The following ZNF532 variants were observed in gnomAD, a reference collection of about 807,000 sequenced individuals.
ZNF532 encodes the protein zinc finger protein 532.
ZNF532 carries 22 observed loss-of-function variants against 89.3 expected under a neutral mutation model. The observed-to-expected ratio is 0.25, with a 90% CI of 0.18 to 0.35. The LOEUF (loss-of-function observed/expected upper bound fraction) is 0.35, where lower values mean the gene tolerates loss of function less well. ZNF532 is among the 10% of genes least tolerant of loss of function. The pLI is 1.00. For missense variants in ZNF532, 1,132 were observed against 1,643.4 expected (o/e 0.69, Z 5.38); for synonymous variants, 606 against 649.6 (o/e 0.93, Z 1.02).
Position 58,983,045 on chromosome 18 carries a change from G to A in ZNF532, c.3412-927G>A, listed in dbSNP as rs1266791909. 5.9e-5 allele frequency among the ~76,000 whole-genome samples: 9 copies of A among 152,202 alleles called. No individual in the cohort carries two copies. In the East Asian group the frequency reaches 7.7e-4, roughly 13 times the overall value. On this transcript the variant is annotated intron_variant, in intron 9 of 9. Transcript: ENST00000591808. ...GAGAATCGCTTGAACCCGGGAGGCC[G>A]AGGCTGTAGTGAGCCGAGATCATGC...
chr18:58,907,701 C>T (rs192234489), intron 2 of ZNF532, among the ~76,000 whole-genome samples: 4 of 152,184 alleles, frequency 2.6e-5, no homozygotes, highest in East Asian at 1.9e-4. Flanking sequence ...GCATGTCTTC[C>T]GTCTGCCTCC....
At chr18:58,976,364 T>C (rs1236506005) in intron 7 of ZNF532, among the ~76,000 whole-genome samples, 2 of 152,230 alleles carry the variant, frequency 1.3e-5, no homozygotes, top group Admixed American at 1.3e-4. Flanking sequence ...AAATTTTGTT[T>C]TGATGTTAAT....
chr18:58,970,426 AG>A (rs1028922776), intron 7 of ZNF532, among the ~76,000 whole-genome samples: 3 of 152,246 alleles, frequency 2.0e-5, no homozygotes, highest in Non-Finnish European at 4.4e-5. Flanking sequence ...CTTGGGAACC[AG>A]GGAGGCTTCA....
intron 2 of ZNF532, among the ~76,000 whole-genome samples, chr18:58,902,323 C>G (rs1421543448): frequency 2.0e-5 from 3 of 152,036 alleles, no homozygotes; most frequent in Non-Finnish European, 4.4e-5. Flanking sequence ...CACAGGGGAC[C>G]CAGAAATGCT....
intron 5 of ZNF532, among the ~76,000 whole-genome samples, chr18:58,945,802 A>G (rs986424175): frequency 4.0e-5 from 6 of 151,120 alleles, no homozygotes; most frequent in African/African-American, 1.5e-4. Flanking sequence ...GTCTCAGCTC[A>G]CTGTAACCTC....
At chr18:58,877,873 G>A (rs879004780) in intron 2 of ZNF532, among the ~76,000 whole-genome samples, 2 of 152,188 alleles carry the variant, frequency 1.3e-5, no homozygotes, top group African/African-American at 4.8e-5. Flanking sequence ...ATGGAAGTTA[G>A]TCACAGTTGG....
At chr18:58,950,777 A>AAAAG (rs2064082389) in intron 6 of ZNF532, among the ~76,000 whole-genome samples, 1 of 152,198 alleles carries the variant, frequency 6.6e-6, no homozygotes, top group African/African-American at 2.4e-5. Context: ...AATCAATTTG[A>AAAAG]AAAGAAATAA....
At chr18:58,932,426 C>T (rs1442733902) in intron 3 of ZNF532, 1 of 152,130 alleles carries the variant, frequency 6.6e-6, no homozygotes, top group Non-Finnish European at 1.5e-5. Flanking sequence ...CCATTTTCTA[C>T]CGTTCTAAAG....
chr18:58,942,515 C>A (rs1033079986), intron 5 of ZNF532, among the ~76,000 whole-genome samples: 1 of 151,932 alleles, frequency 6.6e-6, no homozygotes, highest in Non-Finnish European at 1.5e-5. Context: ...ATAAGTTAAT[C>A]GCATGGATTC....
intron 2 of ZNF532, among the ~76,000 whole-genome samples, chr18:58,885,873 G>C (rs1057329593): frequency 6.6e-6 from 1 of 152,040 alleles, no homozygotes; most frequent in Middle Eastern, 3.5e-3. Flanking sequence ...TGGAAGTAGA[G>C]AGTAAAAGCT....
At chr18:58,906,345 T>C (rs1205623869) in intron 2 of ZNF532, among the ~76,000 whole-genome samples, 1 of 152,248 alleles carries the variant, frequency 6.6e-6, no homozygotes, top group Non-Finnish European at 1.5e-5. Context: ...AACACAACAC[T>C]ACTTTATTTT....
intron 3 of ZNF532, among the ~76,000 whole-genome samples, chr18:58,922,380 A>AT (rs1178083535): frequency 6.6e-6 from 1 of 152,160 alleles, no homozygotes; most frequent in East Asian, 1.9e-4. Flanking sequence ...TACCCCGGTA[A>AT]TTTTTTTATC....
At chr18:58,949,150 C>A (rs1453294860) in intron 6 of ZNF532, among the ~76,000 whole-genome samples, 1 of 151,802 alleles carries the variant, frequency 6.6e-6, no homozygotes, top group African/African-American at 2.4e-5. Context: ...CCAGTGTGGA[C>A]TGTTTTACTC....
At chr18:58,934,799 G>C (rs946495730) in intron 4 of ZNF532, among the ~76,000 whole-genome samples, 185 bp downstream of exon 4, 2 of 152,086 alleles carry the variant, frequency 1.3e-5, no homozygotes, top group Non-Finnish European at 2.9e-5. Flanking sequence ...TATTGGCCCT[G>C]CTGGTCCGCA....
At position 58,919,824 on chromosome 18, in the gene ZNF532, G is replaced by A. The variant is rs1429712193; in HGVS notation, c.1537G>A (p.Ala513Thr). 3.1e-6 allele frequency: 5 copies of A among 1,613,996 alleles called. No individual in the cohort carries two copies. Among genetic ancestry groups the A allele is most frequent in the Middle Eastern group, 1.7e-4 (1 of 6,056 alleles). The stretch of plus-strand genomic sequence containing the variant: ...TGTCGTGGTGCCGGCATCCAGCCTG[G>A]CCAATGCCAAACTCGTGCCAAAGAC... ...QTVVVPASSL[A>T]NAKLVPKTVH... is the part of the protein sequence containing the mutation. The change falls in exon 3 of 10, where the codon GCC becomes ACC. Residue 513 changes from alanine to threonine, a missense_variant. Ala to Thr is a moderately conservative substitution (Grantham distance 58). Coordinates refer to ENST00000591808, the MANE Select transcript of ZNF532 (RefSeq NM_001375912.1). This position sits in a 1 kb window ranked among gnomAD's most constrained non-coding sequence, Gnocchi z 6.1.
intron 5 of ZNF532, among the ~76,000 whole-genome samples, chr18:58,945,763 C>T (rs149315094): frequency 0.01 from 1,532 of 151,342 alleles, 9 homozygotes; most frequent in Non-Finnish European, 0.016. Context: ...GAGTCTCCCT[C>T]TGTCACCAGG....
At chr18:58,936,528 C>A (rs2062486416) in intron 4 of ZNF532, among the ~76,000 whole-genome samples, 1 of 152,186 alleles carries the variant, frequency 6.6e-6, no homozygotes, top group Non-Finnish European at 1.5e-5. Context: ...TGAAAGTAAT[C>A]AACTCACTTG....
At chr18:58,965,993 G>GT (rs1448226349) in intron 7 of ZNF532, among the ~76,000 whole-genome samples, 1 of 152,148 alleles carries the variant, frequency 6.6e-6, no homozygotes, top group Non-Finnish European at 1.5e-5. Context: ...TAGAATCAGG[G>GT]TTTTTTTGAG....
chr18:58,969,781 TTTGTC>T (rs2066276882), intron 7 of ZNF532, among the ~76,000 whole-genome samples: 1 of 152,172 alleles, frequency 6.6e-6, no homozygotes, highest in African/African-American at 2.4e-5. Flanking sequence ...ATTAGTTTCT[TTTGTC>T]TTTTGATTTG....
Sources: gnomAD v4.1 joint callset for allele counts (sites outside exome capture counted in the v4.1 genomes callset) on GRCh38, gnomAD v4.1.1 for gene constraint, Gnocchi (gnomAD v3.1) non-coding constraint, MANE v1.5 for transcripts, NCBI Gene and HGNC (gene_info 2026-07-23, HGNC 2026-07-21) for gene names.